WWOX: variants seen among roughly 807,000 people sequenced by gnomAD.
WWOX encodes the protein WW domain containing oxidoreductase.
WWOX carries 69 observed loss-of-function variants against 46.2 expected under a neutral mutation model. That is an observed-to-expected ratio of 1.49 (90% CI 1.23 to 1.82). WWOX has a LOEUF of 1.82. WWOX is among the 40% of genes most tolerant of loss of function. The probability of loss-of-function intolerance (pLI) is 0.00; values close to 1 mark genes in which losing one functional copy is unlikely to be tolerated. For missense variants in WWOX, 919 were observed against 542.6 expected (o/e 1.69, Z -6.89); for synonymous variants, 359 against 202.6 (o/e 1.77, Z -6.56).
At chr16:78,760,224 A>G (rs941678185) in intron 8 of WWOX, among the ~76,000 whole-genome samples, 2 of 152,204 alleles carry the variant, frequency 1.3e-5, no homozygotes, top group Non-Finnish European at 2.9e-5. Context: ...TTATAAAAAC[A>G]TTAGATCTCA....
chr16:78,110,544 G>A (rs1194959766), intron 3 of WWOX, among the ~76,000 whole-genome samples: 1 of 152,096 alleles, frequency 6.6e-6, no homozygotes, highest in African/African-American at 2.4e-5. Flanking sequence ...CTAAATTCCT[G>A]TTATAGAGAA....
At chr16:78,460,016 A>T (rs914432537) in intron 8 of WWOX, among the ~76,000 whole-genome samples, 1 of 148,886 alleles carries the variant, frequency 6.7e-6, no homozygotes, top group Non-Finnish European at 1.5e-5. Context: ...CATGTTGTTC[A>T]GGCTAGTGTT....
chr16:79,107,059 C>T (rs547470542), intron 8 of WWOX, among the ~76,000 whole-genome samples: 2 of 152,178 alleles, frequency 1.3e-5, no homozygotes, highest in Middle Eastern at 3.4e-3. Context: ...GATGCACCCA[C>T]CTTGGTCTCC....
chr16:78,278,784 C>A, intron 5 of WWOX: 1 of 850,780 alleles, frequency 1.2e-6, no homozygotes, highest in Non-Finnish European at 1.9e-6. Context: ...CGATTTGCAA[C>A]AACATCTATT....
At chr16:79,154,613 T>C (rs935336355) in intron 8 of WWOX, among the ~76,000 whole-genome samples, 5 of 152,026 alleles carry the variant, frequency 3.3e-5, no homozygotes, top group African/African-American at 1.2e-4. Context: ...TTGGAAAAAC[T>C]AAAAAGTTTG....
intron 8 of WWOX, among the ~76,000 whole-genome samples, chr16:78,792,092 C>A (rs2050617865): frequency 6.6e-6 from 1 of 152,098 alleles, no homozygotes; most frequent in African/African-American, 2.4e-5. Flanking sequence ...AGGACGGTTG[C>A]CTGTATCCCT....
At chr16:78,965,947 C>T (rs947993679) in intron 8 of WWOX, among the ~76,000 whole-genome samples, 2 of 152,074 alleles carry the variant, frequency 1.3e-5, no homozygotes, top group African/African-American at 4.8e-5. Flanking sequence ...CAATTTGCTC[C>T]AAAGTAGAGT....
At position 78,752,275 on chromosome 16, in the gene WWOX, C is replaced by G. The variant is rs117790535; in HGVS notation, c.1056+319523C>G. Among the ~76,000 whole-genome samples, 620 of 152,256 alleles carry G rather than the reference C, an allele frequency of 4.1e-3. 3 individuals carry two copies. The highest frequency in any genetic ancestry group is 6.4e-3 in the Non-Finnish European group (438 of 68,004). On this transcript the variant is annotated intron_variant, in intron 8 of 8. Transcript: ENST00000566780. Reference sequence around the variant, plus strand: ...AGTGTTAGAGACTATCAGGTTAAAACAAAGATATTCTTTCTTTCCTTTTTG... The same window carrying G: ...AGTGTTAGAGACTATCAGGTTAAAAGAAAGATATTCTTTCTTTCCTTTTTG...
rs192421783 is a variant in WWOX, at chr16:78,735,068, T to C, written c.1056+302316T>C. On this transcript the variant is annotated intron_variant, in intron 8 of 8. Coordinates refer to ENST00000566780, the MANE Select transcript of WWOX (RefSeq NM_016373.4). ...TGTTAGTAGAGACAGGGTTTCACCATGTTGGCCAGGCTGGTCTCGAACTCC... is the reference window on the plus strand; with the variant it reads ...TGTTAGTAGAGACAGGGTTTCACCACGTTGGCCAGGCTGGTCTCGAACTCC... Among the ~76,000 whole-genome samples, 396 of 151,656 alleles carry C rather than the reference T, an allele frequency of 2.6e-3. 1 individual carries two copies. Among genetic ancestry groups the C allele is most frequent in the African/African-American group, 9.1e-3 (375 of 41,410 alleles).
At chr16:79,011,944 G>A (rs889545915) in intron 8 of WWOX, among the ~76,000 whole-genome samples, 2 of 152,174 alleles carry the variant, frequency 1.3e-5, no homozygotes, top group African/African-American at 2.4e-5. Flanking sequence ...ATGAGCCACT[G>A]TGCCTGGCCT....
At chr16:78,242,395 A>T (rs1031312802) in intron 5 of WWOX, among the ~76,000 whole-genome samples, 1 of 152,168 alleles carries the variant, frequency 6.6e-6, no homozygotes, top group Non-Finnish European at 1.5e-5. Flanking sequence ...CATTAACACA[A>T]CTTCTCCGTG....
At chr16:78,909,228 A>G (rs1423633957) in intron 8 of WWOX, among the ~76,000 whole-genome samples, 1 of 150,104 alleles carries the variant, frequency 6.7e-6, no homozygotes, top group Non-Finnish European at 1.5e-5. Flanking sequence ...CCAGTCGTTC[A>G]TGTTTCCTTG....
intron 8 of WWOX, among the ~76,000 whole-genome samples, chr16:78,958,869 A>C (rs2046220350): frequency 1.3e-5 from 2 of 152,308 alleles, no homozygotes; most frequent in South Asian, 4.1e-4. Flanking sequence ...CAAAAGAAAA[A>C]AACATGTTTG....
intron 5 of WWOX, among the ~76,000 whole-genome samples, chr16:78,375,267 G>A (rs577257987): frequency 3.9e-5 from 6 of 152,326 alleles, no homozygotes; most frequent in South Asian, 2.1e-4. Context: ...TCCGTCACAC[G>A]CAGTGTGGCC....
intron 8 of WWOX, among the ~76,000 whole-genome samples, chr16:79,080,574 A>C (rs2048742334): frequency 6.6e-6 from 1 of 152,218 alleles, no homozygotes; most frequent in African/African-American, 2.4e-5. Context: ...TCTAACACTG[A>C]ATCTCGAATC....
intron 8 of WWOX, among the ~76,000 whole-genome samples, chr16:78,992,889 A>G (rs1380860134): frequency 6.6e-6 from 1 of 152,086 alleles, no homozygotes; most frequent in African/African-American, 2.4e-5. Flanking sequence ...GCAAATTTCC[A>G]ATTTTTTAGT....
intron 7 of WWOX, among the ~76,000 whole-genome samples, chr16:78,431,438 A>G (rs937612961): frequency 2.0e-5 from 3 of 152,234 alleles, no homozygotes; most frequent in Non-Finnish European, 4.4e-5. Flanking sequence ...TCAAATGAAA[A>G]TATACAGGAC....
At chr16:78,197,259 C>T (rs983995442) in intron 5 of WWOX, among the ~76,000 whole-genome samples, 1 of 152,206 alleles carries the variant, frequency 6.6e-6, no homozygotes, top group African/African-American at 2.4e-5. Context: ...CCATCTGACT[C>T]CAAAGCCACC....
intron 8 of WWOX, among the ~76,000 whole-genome samples, chr16:78,615,448 A>G (rs1041916479): frequency 2.0e-5 from 3 of 152,062 alleles, no homozygotes; most frequent in Non-Finnish European, 1.5e-5. Context: ...CCAGAATTCA[A>G]GACCAGGCTG....
Sources: allele counts gnomAD v4.1 joint callset (sites outside exome capture counted in the v4.1 genomes callset), GRCh38; gene constraint gnomAD v4.1.1; transcripts MANE v1.5; gene names NCBI Gene and HGNC (gene_info 2026-07-23, HGNC 2026-07-21).